GPR63: variants seen among roughly 807,000 people sequenced by gnomAD.
GPR63 encodes the protein probable G protein-coupled receptor 63.
A neutral mutation model predicts 23.1 loss-of-function variants in GPR63; 12 were observed. That is an observed-to-expected ratio of 0.52 (90% CI 0.33 to 0.84). The LOEUF is 0.84. Among genes scored for constraint, GPR63 ranks in the 40% least tolerant of loss-of-function variants. The probability of loss-of-function intolerance (pLI) is 0.02; values close to 1 mark genes in which losing one functional copy is unlikely to be tolerated. For synonymous variants in GPR63, 172 were observed against 191.1 expected, an observed-to-expected ratio of 0.90 and a Z score of 0.82; for missense variants, 472 against 515.6, an observed-to-expected ratio of 0.92 and a Z score of 0.82.
intron 1 of GPR63, among the ~76,000 whole-genome samples, chr6:96,801,731 T>G (rs1000173413): frequency 8.5e-5 from 13 of 152,240 alleles, no homozygotes; most frequent in African/African-American, 3.1e-4. Context: ...TTGCGTTCAC[T>G]TCTACGGTTT....
At chr6:96,808,541 A>G (rs1041009523) in intron 1 of GPR63, among the ~76,000 whole-genome samples, 1 of 152,208 alleles carries the variant, frequency 6.6e-6, no homozygotes, top group African/African-American at 2.4e-5. Context: ...AAGTAAAAGG[A>G]AAGATTTCTT....
chr6:96,818,463 C>CA (rs879517923), intron 1 of GPR63, among the ~76,000 whole-genome samples: 21 of 141,344 alleles, frequency 1.5e-4, no homozygotes, highest in South Asian at 2.2e-4. Flanking sequence ...AACTCCCATT[C>CA]AAAAAAAAAA....
intron 1 of GPR63, among the ~76,000 whole-genome samples, chr6:96,825,392 A>G (rs538715086): frequency 6.6e-6 from 1 of 152,236 alleles, no homozygotes; most frequent in African/African-American, 2.4e-5. Flanking sequence ...TCAAGTTTGT[A>G]TAAGATAAAA....
intron 1 of GPR63, among the ~76,000 whole-genome samples, chr6:96,819,017 A>G (rs1445557067): frequency 6.6e-6 from 1 of 151,932 alleles, no homozygotes; most frequent in Non-Finnish European, 1.5e-5. Flanking sequence ...TCAGGAAACA[A>G]CAGATGGATG....
Position 96,798,245 on chromosome 6 carries a change from C to T in GPR63, c.*227G>A, listed in dbSNP as rs555961004. 6.4e-6 allele frequency: 3 copies of T among 467,392 alleles called. No homozygotes were observed. Among genetic ancestry groups the T allele is most frequent in the Non-Finnish European group, 7.3e-6 (2 of 274,052 alleles). The allele number at this position is 467,392 out of a possible 1,614,324, so 29.0% of individuals were successfully genotyped here. The stretch of plus-strand genomic sequence containing the variant: ...CCCCAAAACCAAAAAAAAGTCTCCT[C>T]ACCCTAAATTGAGGATTTCTATTGA... On this transcript the variant is annotated 3_prime_UTR_variant, in exon 2 of 2. Coordinates refer to ENST00000229955, the MANE Select transcript of GPR63 (RefSeq NM_030784.4).
At chr6:96,810,246 A>G (rs1259498375) in intron 1 of GPR63, among the ~76,000 whole-genome samples, 2 of 152,206 alleles carry the variant, frequency 1.3e-5, no homozygotes, top group African/African-American at 4.8e-5. Flanking sequence ...CTGTAATCCC[A>G]GCAGTTTGGA....
intron 1 of GPR63, among the ~76,000 whole-genome samples, chr6:96,834,679 CAG>C (rs1774678081): frequency 6.6e-6 from 1 of 151,992 alleles, no homozygotes. Context: ...AACCGCCTAA[CAG>C]ATTACTTCAT....
intron 1 of GPR63, 52 bp downstream of exon 1, chr6:96,837,216 C>T (rs1379970224): frequency 6.6e-6 from 1 of 152,436 alleles, no homozygotes; most frequent in Non-Finnish European, 1.5e-5. Flanking sequence ...CGAGCGGCTA[C>T]CTGTCCCGCG....
In GPR63 at chr6:96,798,863, T is replaced by C. The variant is rs368675077; in HGVS notation, c.869A>G (p.Lys290Arg). ...TCTCTGCAGACTCATGAGACCCAGT[T>C]TGCTGGCCTGGCTGAGGCATATACC... ...PEGICLSQAS[K>R]LGLMSLQRPF... Residue 290 changes from lysine (K) to arginine (R), a missense_variant, in exon 2 of 2, where the codon AAA becomes AGA. Coordinates refer to ENST00000229955, the MANE Select transcript of GPR63 (RefSeq NM_030784.4). The C allele has an allele frequency of 1.2e-6, 2 of 1,614,162 alleles. No homozygotes were observed. The highest frequency in any genetic ancestry group is 1.7e-6 in the Non-Finnish European group (2 of 1,180,034).
intron 1 of GPR63, among the ~76,000 whole-genome samples, chr6:96,834,986 TAAA>T (rs1436417494): frequency 6.6e-6 from 1 of 152,196 alleles, no homozygotes; most frequent in Non-Finnish European, 1.5e-5. Flanking sequence ...TTTGAAGTAT[TAAA>T]AGAAGAAAAC....
chr6:96,816,460 T>C (rs1430979766), intron 1 of GPR63, among the ~76,000 whole-genome samples: 1 of 151,996 alleles, frequency 6.6e-6, no homozygotes, highest in Non-Finnish European at 1.5e-5. Flanking sequence ...AGACCAACAC[T>C]CCCACCAAAA....
Position 96,799,311 on chromosome 6 carries a change from T to C in GPR63, c.421A>G (p.Thr141Ala), listed in dbSNP as rs780706192. 2.4e-5 allele frequency: 39 copies of C among 1,614,074 alleles called. 1 individual carries two copies. The South Asian group carries it at 3.6e-4, about 15-fold the overall frequency. ...AAAATCCATCGGGTAGTAAGAATAG[T>C]TACCAGGGCAAAGGGCATGTTCAGC... ...AVLNMPFALV[T>A]ILTTRWIFGK... Residue 141 changes from threonine (T) to alanine (A), a missense_variant, in exon 2 of 2, where the codon ACT becomes GCT. Thr to Ala is a moderately conservative substitution (Grantham distance 58). Transcript: ENST00000229955.
At chr6:96,835,325 A>C (rs1054105932) in intron 1 of GPR63, among the ~76,000 whole-genome samples, 1 of 152,162 alleles carries the variant, frequency 6.6e-6, no homozygotes, top group African/African-American at 2.4e-5. Flanking sequence ...TATACTCAAT[A>C]GCATATACAG....
In GPR63 at chr6:96,799,209, T is replaced by C; in HGVS notation, c.523A>G (p.Ile175Val). 6.2e-7 allele frequency: 1 copy of C among 1,614,218 alleles called. No individual in the cohort carries two copies. The highest frequency in any genetic ancestry group is 8.5e-7 in the Non-Finnish European group (1 of 1,180,052). Residue 175 changes from isoleucine to valine, a missense_variant, in exon 2 of 2, where the codon ATT becomes GTT. Ile to Val is a conservative substitution (Grantham distance 29, BLOSUM62 3). Transcript: ENST00000229955. ...VIEGVAILLIISIDRFLIIVQ... is the reference protein window; with the variant it reads ...VIEGVAILLIVSIDRFLIIVQ... Reference sequence around the variant, plus strand: ...ATAATAAGGAACCTATCTATGCTAATGATGAGCAGGATGGCTACTCCTTCT... The same window carrying C: ...ATAATAAGGAACCTATCTATGCTAACGATGAGCAGGATGGCTACTCCTTCT...
At position 96,811,733 on chromosome 6, in the gene GPR63, C is replaced by T. The variant is rs539873158; in HGVS notation, c.-150-11852G>A. ...TAATTAAAACTGGGGGAATGGGAGT[C>T]GAAGGACACACAAGGATGGAAGTAT... is the stretch of plus-strand genomic sequence containing the variant. On this transcript the variant is annotated intron_variant, in intron 1 of 1. Coordinates refer to ENST00000229955, the MANE Select transcript of GPR63 (RefSeq NM_030784.4). Among the ~76,000 whole-genome samples, 8 of 151,854 alleles carry T rather than the reference C, an allele frequency of 5.3e-5. No homozygotes were observed. In the South Asian group the frequency reaches 6.2e-4, roughly 12 times the overall value.
rs757165685 is a variant in GPR63 at position 96,800,468 on chromosome 6, CTATT to C, written c.-150-591_-150-588del. 5.3e-5 allele frequency among the ~76,000 whole-genome samples: 8 copies of C among 151,996 alleles called. No individual in the cohort carries two copies. The East Asian group carries it at 5.8e-4, about 11-fold the overall frequency. On this transcript the variant is annotated intron_variant, in intron 1 of 1. Coordinates refer to ENST00000229955, the MANE Select transcript of GPR63 (RefSeq NM_030784.4). ...AGATCTGAAACATTTTCTTGGCTTGCTATTTATTTATTTATCCAATTAATTCATC... is the reference window on the plus strand; with the variant it reads ...AGATCTGAAACATTTTCTTGGCTTGCTATTTATTTATCCAATTAATTCATC...
At chr6:96,804,696 C>T (rs9487195) in intron 1 of GPR63, among the ~76,000 whole-genome samples, 4,803 of 152,062 alleles carry the variant, frequency 0.032, 248 homozygotes, top group African/African-American at 0.11. Context: ...ATCTAAATAA[C>T]ATGAAGAAAT....
At chr6:96,832,571 C>T (rs944950630) in intron 1 of GPR63, among the ~76,000 whole-genome samples, 4 of 151,880 alleles carry the variant, frequency 2.6e-5, no homozygotes, top group Non-Finnish European at 5.9e-5. Flanking sequence ...CCATGCCTGG[C>T]CTCTAAATTT....
At chr6:96,819,867 T>C (rs1774261514) in intron 1 of GPR63, among the ~76,000 whole-genome samples, 2 of 150,654 alleles carry the variant, frequency 1.3e-5, no homozygotes, top group Non-Finnish European at 3.0e-5. Context: ...TCCCAGCTGC[T>C]CTGGAGGCTG....
Sources: gnomAD v4.1 joint callset for allele counts (sites outside exome capture counted in the v4.1 genomes callset) on GRCh38, gnomAD v4.1.1 for gene constraint, MANE v1.5 for transcripts, NCBI Gene and HGNC (gene_info 2026-07-23, HGNC 2026-07-21) for gene names.